The following RGS6 variants were observed in gnomAD, a reference collection of about 807,000 sequenced individuals.
RGS6 encodes the protein regulator of G protein signaling 6, also known as regulator of G-protein signaling 6.
In RGS6, 30 loss-of-function variants were observed where a neutral mutation model predicts 78.5. The ratio of observed to expected loss-of-function variants is 0.38; its 90% CI spans 0.29 to 0.52. The LOEUF is 0.52. RGS6 is among the 20% of genes least tolerant of loss of function. RGS6 has a pLI of 0.85. For synonymous variants in RGS6, 206 were observed against 206.0 expected (o/e 1.00, Z 0.00); for missense variants, 495 against 609.7 (o/e 0.81, Z 1.98).
At chr14:72,132,089 T>G (rs1196839007) in intron 2 of RGS6, among the ~76,000 whole-genome samples, 1 of 152,190 alleles carries the variant, frequency 6.6e-6, no homozygotes, top group Non-Finnish European at 1.5e-5. Flanking sequence ...AGATATTGTC[T>G]TGTAATTATT....
intron 2 of RGS6, among the ~76,000 whole-genome samples, chr14:72,074,564 G>C (rs1483741676): frequency 2.0e-5 from 3 of 152,050 alleles, no homozygotes; most frequent in Admixed American, 2.0e-4. Context: ...CATTATTGTT[G>C]AAAATAGTCA....
chr14:72,242,470 G>C (rs946445353), intron 2 of RGS6, among the ~76,000 whole-genome samples: 5 of 152,120 alleles, frequency 3.3e-5, no homozygotes, highest in Admixed American at 6.5e-5. Flanking sequence ...AAGACTCTGA[G>C]GGTCCAAGTG....
chr14:72,249,449 C>T (rs185361250), intron 2 of RGS6, among the ~76,000 whole-genome samples: 96 of 152,312 alleles, frequency 6.3e-4, no homozygotes, highest in Non-Finnish European at 8.2e-4. Flanking sequence ...TTCAGTGCTT[C>T]TTCTGTATGT....
intron 3 of RGS6, among the ~76,000 whole-genome samples, chr14:72,450,473 G>A (rs765726016): frequency 6.6e-6 from 1 of 152,080 alleles, no homozygotes; most frequent in Non-Finnish European, 1.5e-5. Flanking sequence ...TTTGGGTGCC[G>A]TCTGGTGTAT....
the RGS6 span, among the ~76,000 whole-genome samples, chr14:71,901,198 C>T: frequency 1.3e-5 from 2 of 152,304 alleles, no homozygotes; most frequent in African/African-American, 4.8e-5. Context: ...TTCTATGGTC[C>T]ATAGGTTTCT....
chr14:71,911,814 G>C, the RGS6 span, among the ~76,000 whole-genome samples: 3 of 152,188 alleles, frequency 2.0e-5, no homozygotes, highest in African/African-American at 7.2e-5. Context: ...ACCGAAAGCA[G>C]GCACTGGAGG....
intron 2 of RGS6, among the ~76,000 whole-genome samples, chr14:72,314,378 C>T (rs1025686866): frequency 1.3e-5 from 2 of 152,192 alleles, no homozygotes; most frequent in Non-Finnish European, 2.9e-5. Context: ...AGGGAAGAAA[C>T]AGTATCCAGC....
intron 2 of RGS6, among the ~76,000 whole-genome samples, chr14:71,988,601 CAG>C (rs2094822096): frequency 6.6e-6 from 1 of 151,876 alleles, no homozygotes; most frequent in South Asian, 2.1e-4. Flanking sequence ...GTGGTTGTGA[CAG>C]AGACTGTCCG....
At position 72,340,441 on chromosome 14, in the gene RGS6, G is replaced by T. The variant is rs536123646; in HGVS notation, c.85-11654G>T. Among the ~76,000 whole-genome samples the T allele has an allele frequency of 4.9e-4, 74 of 152,288 alleles. 1 individual carries two copies. The highest frequency in any genetic ancestry group is 1.7e-3 in the African/African-American group (72 of 41,580). ...CAAATGCGTAGAATCACAGCCAGGT[G>T]CTCAGGAGGGGCAGCAGAAGCAGCC... On this transcript the variant is annotated intron_variant, in intron 2 of 17. Coordinates refer to ENST00000553525, the MANE Select transcript of RGS6 (RefSeq NM_001204424.2).
intron 2 of RGS6, among the ~76,000 whole-genome samples, chr14:72,181,256 G>T (rs2097170049): frequency 1.3e-5 from 2 of 152,184 alleles, no homozygotes; most frequent in South Asian, 4.1e-4. Flanking sequence ...ACTCAGTAAG[G>T]AGCAGGTAAA....
intron 2 of RGS6, among the ~76,000 whole-genome samples, chr14:72,091,948 A>C (rs1366910882): frequency 1.3e-5 from 2 of 152,232 alleles, no homozygotes; most frequent in Non-Finnish European, 2.9e-5. Context: ...GGGCTGTATT[A>C]CCTTCCTACA....
At chr14:72,620,097 T>C in the RGS6 span, 1 of 1,105,076 alleles carries the variant, frequency 9.0e-7, no homozygotes, top group Non-Finnish European at 1.2e-6. Flanking sequence ...CTGGATCCCC[T>C]TTCCAGGCCC....
At chr14:72,274,978 A>G (rs10483843) in intron 2 of RGS6, among the ~76,000 whole-genome samples, 82,644 of 152,080 alleles carry the variant, frequency 0.54, 23,842 homozygotes, top group Non-Finnish European at 0.64. Flanking sequence ...GAACAACAGT[A>G]TATTTACTTC....
chr14:72,265,901 C>A (rs2058971170), intron 2 of RGS6, among the ~76,000 whole-genome samples: 2 of 141,932 alleles, frequency 1.4e-5, no homozygotes, highest in Non-Finnish European at 3.0e-5. Context: ...CCTTTATTAA[C>A]CTTTTCCTTC....
chr14:71,980,671 C>T (rs1432734509), intron 2 of RGS6, among the ~76,000 whole-genome samples: 2 of 81,716 alleles, frequency 2.4e-5, no homozygotes, highest in Non-Finnish European at 4.8e-5. Flanking sequence ...GTAACCCGAC[C>T]TTTCTCTCTG....
intron 2 of RGS6, among the ~76,000 whole-genome samples, chr14:72,279,000 G>A (rs2061153791): frequency 6.6e-6 from 1 of 151,908 alleles, no homozygotes. Flanking sequence ...TCACTTATAA[G>A]GACACTCATC....
At chr14:72,048,281 T>A (rs1428549584) in intron 2 of RGS6, among the ~76,000 whole-genome samples, 1 of 152,220 alleles carries the variant, frequency 6.6e-6, no homozygotes, top group Non-Finnish European at 1.5e-5. Flanking sequence ...CATAAATGTT[T>A]TCTTAGAATT....
At chr14:71,920,079 C>T in the RGS6 span, among the ~76,000 whole-genome samples, 1 of 152,134 alleles carries the variant, frequency 6.6e-6, no homozygotes, top group Non-Finnish European at 1.5e-5. Flanking sequence ...AGCAATATTA[C>T]ACAGGCAGCT....
chr14:72,391,955 T>G (rs961319741), intron 3 of RGS6, among the ~76,000 whole-genome samples: 3 of 152,216 alleles, frequency 2.0e-5, no homozygotes, highest in African/African-American at 7.2e-5. Flanking sequence ...TGCATAGTAT[T>G]CCATGGTGTA....
Sources: gnomAD v4.1 joint callset for allele counts (sites outside exome capture counted in the v4.1 genomes callset) on GRCh38, gnomAD v4.1.1 for gene constraint, MANE v1.5 for transcripts, NCBI Gene and HGNC (gene_info 2026-07-23, HGNC 2026-07-21) for gene names.